PCDHGB6: variants seen among roughly 807,000 people sequenced by gnomAD.
The protein encoded by PCDHGB6 is protocadherin gamma subfamily B, 6, also known as protocadherin gamma-B6.
PCDHGB6 carries 51 observed loss-of-function variants against 59.1 expected under a neutral mutation model. The observed-to-expected ratio is 0.86, with a 90% CI of 0.69 to 1.09. PCDHGB6 has a LOEUF of 1.09. Among genes scored for constraint, PCDHGB6 ranks in the 50% least tolerant of loss-of-function variants. The probability of loss-of-function intolerance (pLI) is 0.00; values close to 1 mark genes in which losing one functional copy is unlikely to be tolerated. For missense variants in PCDHGB6, 1,148 were observed against 1,205.1 expected, an observed-to-expected ratio of 0.95 and a Z score of 0.70; for synonymous variants, 466 against 495.1, an observed-to-expected ratio of 0.94 and a Z score of 0.78.
chr5:141,451,069 C>G (rs2098705799), intron 1 of PCDHGB6, among the ~76,000 whole-genome samples: 1 of 151,836 alleles, frequency 6.6e-6, no homozygotes, highest in Non-Finnish European at 1.5e-5. Flanking sequence ...ACCTTGTGAT[C>G]CACCCACCTT....
intron 1 of PCDHGB6, chr5:141,411,948 G>A (rs2095525022): frequency 1.3e-5 from 2 of 152,152 alleles, no homozygotes. Flanking sequence ...GAAGATTTTT[G>A]AAGAAAAAAG....
At chr5:141,460,666 C>G (rs1245201344) in intron 1 of PCDHGB6, among the ~76,000 whole-genome samples, 1 of 151,670 alleles carries the variant, frequency 6.6e-6, no homozygotes, top group South Asian at 2.1e-4. Context: ...ACTGTAAACA[C>G]AGTTATATAT....
chr5:141,489,088 G>GCCAA lies in PCDHGB6; in HGVS notation c.2419-5719_2419-5718insCCAA. The GCCAA allele has an allele frequency of 2.9e-6, 1 of 347,240 alleles. No individual in the cohort carries two copies. Among genetic ancestry groups the GCCAA allele is most frequent in the Non-Finnish European group, 5.0e-6 (1 of 200,708 alleles). The allele number at this position is 347,240 out of a possible 1,614,324, so 21.5% of individuals were successfully genotyped here. A position where few individuals can be genotyped will look rare whatever the true frequency, so the allele number is the denominator to read the frequency against. ...CCCCTGCCCACCCCCGCCACTCGGT[G>GCCAA]ACTAAGAACTGCTGCAAGCAGGCAA... On this transcript the variant is annotated intron_variant, in intron 1 of 3. Transcript: ENST00000520790. This position sits in a 1 kb window ranked among gnomAD's most constrained non-coding sequence, Gnocchi z 4.5.
At chr5:141,422,053 G>A in intron 1 of PCDHGB6, 1 of 1,611,606 alleles carries the variant, frequency 6.2e-7, no homozygotes, top group Non-Finnish European at 8.5e-7. Context: ...GGGAATCAAC[G>A]GGGAAGTAAT....
chr5:141,483,620 A>G (rs192148102), intron 1 of PCDHGB6, among the ~76,000 whole-genome samples: 472 of 151,650 alleles, frequency 3.1e-3, no homozygotes, highest in Non-Finnish European at 5.0e-3. Context: ...CATCATTCCC[A>G]TGGGAGAAGG....
At position 141,487,796 on chromosome 5, in the gene PCDHGB6, T is replaced by C. The variant is rs766798983; in HGVS notation, c.2419-7011T>C. ...TAACTGTTTCGTGAATTAACCAGAG[T>C]TGTCACAGTTTAGCATTGGGGGCGG... On this transcript the variant is annotated intron_variant, in intron 1 of 3. Coordinates refer to ENST00000520790, the MANE Select transcript of PCDHGB6 (RefSeq NM_018926.3). The surrounding 1 kb of genome is among the most constrained non-coding windows in gnomAD (Gnocchi z 5.0). 15 of 1,498,660 alleles carry C rather than the reference T, an allele frequency of 1.0e-5. No homozygotes were observed. The highest frequency in any genetic ancestry group is 1.4e-5 in the Non-Finnish European group (15 of 1,110,900). 92.8% of individuals were successfully genotyped at this position (1,498,660 alleles called of 1,614,324 possible). A position where few individuals can be genotyped will look rare whatever the true frequency, so the allele number is the denominator to read the frequency against.
rs1459982502 is a variant in PCDHGB6, at chr5:141,409,438, A to G, written c.1236A>G (p.Arg412=). Residue 412 remains arginine (R), a synonymous_variant, in exon 1 of 4, where the codon CGA becomes CGG. Transcript: ENST00000520790. Reference sequence around the variant, plus strand: ...TGGTGACAGATGGAGCCCTGGACCGAGAGCAGACACCAGAATACAATGTCA... The same window carrying G: ...TGGTGACAGATGGAGCCCTGGACCGGGAGCAGACACCAGAATACAATGTCA... ...YKLVTDGALD[R]EQTPEYNVTI... 1.2e-6 allele frequency: 2 copies of G among 1,613,984 alleles called. No individual in the cohort carries two copies. The highest frequency in any genetic ancestry group is 1.7e-6 in the Non-Finnish European group (2 of 1,179,884).
intron 1 of PCDHGB6, chr5:141,427,369 C>T (rs1333238163): frequency 4.4e-6 from 2 of 457,834 alleles, no homozygotes; most frequent in Non-Finnish European, 8.8e-6. Flanking sequence ...GAACCCTGGA[C>T]GGTGATCACT....
In PCDHGB6 at chr5:141,410,564, T is replaced by C; in HGVS notation, c.2362T>C (p.Leu788=). ...DMVCSVSPGA[L]IPPHGGEDLT... ...GGTTTGCAGTGTTTCTCCTGGAGCCTTAATTCCACCTCATGGTGGGGAGGA... is the reference window on the plus strand; with the variant it reads ...GGTTTGCAGTGTTTCTCCTGGAGCCCTAATTCCACCTCATGGTGGGGAGGA... Residue 788 remains leucine (L), a synonymous_variant, in exon 1 of 4, where the codon TTA becomes CTA. Coordinates refer to ENST00000520790, the MANE Select transcript of PCDHGB6 (RefSeq NM_018926.3). 6.2e-7 allele frequency: 1 copy of C among 1,612,612 alleles called. No homozygotes were observed. Among genetic ancestry groups the C allele is most frequent in the Non-Finnish European group, 8.5e-7 (1 of 1,179,890 alleles).
chr5:141,445,272 T>C (rs1057201147), intron 1 of PCDHGB6, among the ~76,000 whole-genome samples: 1 of 152,236 alleles, frequency 6.6e-6, no homozygotes, highest in Non-Finnish European at 1.5e-5. Flanking sequence ...TCGAAACCAC[T>C]CTGCATAAGT....
At chr5:141,501,288 T>TATACAC (rs201660636) in intron 2 of PCDHGB6, among the ~76,000 whole-genome samples, 3,536 of 81,176 alleles carry the variant, frequency 0.044, 56 homozygotes, top group Admixed American at 0.065. Flanking sequence ...GATATTCCCT[T>TATACAC]ATACACACAC....
At chr5:141,417,384 GAAGA>G (rs2096114648) in intron 1 of PCDHGB6, 1 of 154,070 alleles carries the variant, frequency 6.5e-6, no homozygotes, top group African/African-American at 2.4e-5. Context: ...TTTAAATTTT[GAAGA>G]AAAAATATTC....
chr5:141,454,990 T>C (rs548911982), intron 1 of PCDHGB6, among the ~76,000 whole-genome samples: 1 of 151,490 alleles, frequency 6.6e-6, no homozygotes, highest in African/African-American at 2.4e-5. Context: ...TAAAAAATAT[T>C]TTTAGTAGAG....
At chr5:141,494,922 C>T (rs1401836511) in intron 2 of PCDHGB6, 57 bp downstream of exon 2, 23 of 1,613,670 alleles carry the variant, frequency 1.4e-5, no homozygotes, top group Non-Finnish European at 1.9e-5. Flanking sequence ...TCAGGGATGA[C>T]GTGGGAGGAG....
chr5:141,428,116 A>G, intron 1 of PCDHGB6: 1 of 1,607,216 alleles, frequency 6.2e-7, no homozygotes, highest in Non-Finnish European at 8.5e-7. Flanking sequence ...CAGGCCATCG[A>G]GCCCGGGCTT....
intron 1 of PCDHGB6, among the ~76,000 whole-genome samples, chr5:141,429,377 G>GT (rs566693637): frequency 0.17 from 24,737 of 149,382 alleles, 2,566 homozygotes; most frequent in African/African-American, 0.31. Context: ...GAGAAAATGT[G>GT]TTTTTTTTTT....
chr5:141,422,359 G>A, intron 1 of PCDHGB6: 1 of 1,558,858 alleles, frequency 6.4e-7, no homozygotes, highest in Non-Finnish European at 8.6e-7. Flanking sequence ...TCAAGATTCT[G>A]GAGAAAATGG....
chr5:141,497,466 G>T (rs1047422582), intron 2 of PCDHGB6, among the ~76,000 whole-genome samples: 2 of 152,020 alleles, frequency 1.3e-5, no homozygotes, highest in African/African-American at 4.8e-5. Flanking sequence ...TGGAGATATG[G>T]AGGAGAAGGT....
At position 141,477,722 on chromosome 5, in the gene PCDHGB6, A is replaced by G. The variant is rs768705340; in HGVS notation, c.2419-17085A>G. 9.3e-6 allele frequency: 15 copies of G among 1,613,878 alleles called. No homozygotes were observed. In the Middle Eastern group the frequency reaches 6.6e-4, roughly 71 times the overall value. On this transcript the variant is annotated intron_variant, in intron 1 of 3. Transcript: ENST00000520790. The surrounding 1 kb of genome is among the most constrained non-coding windows in gnomAD (Gnocchi z 4.9). ...TGAGGATCGGCGGGAATTTGAATTA[A>G]CAGCTCATATCAGCGATGGGGGCAC...
Sources: gnomAD v4.1 joint callset for allele counts (sites outside exome capture counted in the v4.1 genomes callset) on GRCh38, gnomAD v4.1.1 for gene constraint, Gnocchi (gnomAD v3.1) non-coding constraint, MANE v1.5 for transcripts, NCBI Gene and HGNC (gene_info 2026-07-23, HGNC 2026-07-21) for gene names.